The following SEL1L2 variants were observed in gnomAD, a reference collection of about 807,000 sequenced individuals.
SEL1L2 encodes SEL1L2 adaptor subunit of SYVN1 ubiquitin ligase.
SEL1L2 carries 89 observed loss-of-function variants against 98.8 expected under a neutral mutation model. The ratio of observed to expected loss-of-function variants is 0.90; its 90% confidence interval spans 0.76 to 1.07. The LOEUF is 1.07. Among genes scored for constraint, SEL1L2 ranks in the 50% least tolerant of loss-of-function variants. SEL1L2 has a pLI of 0.00. For missense variants in SEL1L2, 788 were observed against 812.0 expected (o/e 0.97, Z 0.36); for synonymous variants, 262 against 278.5 (o/e 0.94, Z 0.59).
At chr20:13,954,521 C>T (rs1333431094) in intron 2 of SEL1L2, among the ~76,000 whole-genome samples, 4 of 152,118 alleles carry the variant, frequency 2.6e-5, no homozygotes, top group African/African-American at 9.7e-5. Flanking sequence ...ATCTTTGACA[C>T]AAAGGTAGTG....
intron 1 of SEL1L2, among the ~76,000 whole-genome samples, chr20:13,970,471 A>T (rs1275879225): frequency 1.3e-5 from 2 of 152,220 alleles, no homozygotes; most frequent in Non-Finnish European, 2.9e-5. Flanking sequence ...ATATTAATAG[A>T]TAATGCCAAA....
chr20:13,879,965 A>T (rs1056634998), intron 10 of SEL1L2, among the ~76,000 whole-genome samples: 3 of 152,108 alleles, frequency 2.0e-5, no homozygotes, highest in African/African-American at 7.2e-5. Flanking sequence ...ATCTCACGGC[A>T]CCTCATCCTG....
At chr20:13,887,139 T>C (rs541902568) in intron 8 of SEL1L2, among the ~76,000 whole-genome samples, 1 of 152,348 alleles carries the variant, frequency 6.6e-6, no homozygotes, top group Non-Finnish European at 1.5e-5. Context: ...AATATAAAGA[T>C]AGATATGCTT....
At chr20:13,883,041 CGATCTCCTGACCTCGT>C (rs2046787845) in intron 10 of SEL1L2, among the ~76,000 whole-genome samples, 1 of 152,018 alleles carries the variant, frequency 6.6e-6, no homozygotes, top group Non-Finnish European at 1.5e-5. Context: ...AGGATGGTCT[CGATCTCCTGACCTCGT>C]GATCCGCCCG....
intron 5 of SEL1L2, among the ~76,000 whole-genome samples, chr20:13,908,527 G>A (rs1186429158): frequency 6.6e-6 from 1 of 152,042 alleles, no homozygotes; most frequent in African/African-American, 2.4e-5. Flanking sequence ...GAAAGAGTGA[G>A]TCTTTATAAT....
At chr20:13,880,044 C>G (rs1237049539) in intron 10 of SEL1L2, among the ~76,000 whole-genome samples, 2 of 152,152 alleles carry the variant, frequency 1.3e-5, no homozygotes, top group African/African-American at 4.8e-5. Flanking sequence ...GTTGAATCCT[C>G]TGTACTTAGC....
At chr20:13,942,716 G>A (rs192481254) in intron 2 of SEL1L2, among the ~76,000 whole-genome samples, 76 of 152,202 alleles carry the variant, frequency 5.0e-4, no homozygotes, top group Non-Finnish European at 8.7e-4. Flanking sequence ...TTTTAATTAT[G>A]GTTTCTCATC....
chr20:13,906,499 C>T (rs879747316), intron 5 of SEL1L2, among the ~76,000 whole-genome samples: 4 of 152,098 alleles, frequency 2.6e-5, no homozygotes, highest in Non-Finnish European at 5.9e-5. Context: ...TAAGGAACAA[C>T]TCAGGTACTG....
At chr20:13,905,162 G>C (rs1411715053) in intron 5 of SEL1L2, among the ~76,000 whole-genome samples, 1 of 152,138 alleles carries the variant, frequency 6.6e-6, no homozygotes, top group Non-Finnish European at 1.5e-5. Context: ...AACAATGGGT[G>C]ATTTTGAATT....
In SEL1L2 at chr20:13,919,088, C is replaced by A; in HGVS notation, c.319G>T (p.Gly107Ter). ...KQAEKNFTDE[G>*]DQLFKMGIKV... The stretch of plus-strand genomic sequence containing the variant: ...ATGCCCATCTTAAATAGCTGGTCTC[C>A]TTCATCTGTAAAATTTTTCTCTGCT... The change falls in exon 4 of 20, where the codon GGA (glycine) becomes TGA (stop). Residue 107 changes from glycine (G) to a stop codon, truncating the protein, a stop_gained. Transcript: ENST00000284951. LOFTEE classifies it high-confidence loss of function. 2 of 1,613,394 alleles carry A rather than the reference C, an allele frequency of 1.2e-6. No individual in the cohort carries two copies. The highest frequency in any genetic ancestry group is 1.7e-6 in the Non-Finnish European group (2 of 1,179,706).
At chr20:13,931,518 G>C (rs1269518251) in intron 3 of SEL1L2, 85 bp downstream of exon 3, 3 of 830,036 alleles carry the variant, frequency 3.6e-6, no homozygotes, top group Non-Finnish European at 5.1e-6. Context: ...TATATCCTAA[G>C]ACTTCTCAGA....
At position 13,957,646 on chromosome 20, in the gene SEL1L2, G is replaced by A. The variant is rs143506411; in HGVS notation, c.59-1515C>T. Among the ~76,000 whole-genome samples, 10 of 152,274 alleles carry A rather than the reference G, an allele frequency of 6.6e-5. No homozygotes were observed. The East Asian group carries it at 1.9e-3, about 29-fold the overall frequency. ...AAACCCAACACTTTGGAAGGACAAG[G>A]TGGCCGGCTCCCTTGAGCCCAGGAG... On this transcript the variant is annotated intron_variant, in intron 1 of 19. Coordinates refer to ENST00000284951, the MANE Select transcript of SEL1L2 (RefSeq NM_025229.2).
chr20:13,890,269 A>G (rs2047148935), intron 5 of SEL1L2, among the ~76,000 whole-genome samples: 1 of 152,182 alleles, frequency 6.6e-6, no homozygotes, highest in Admixed American at 6.5e-5. Context: ...CACAGTGCTG[A>G]CAGAGCCAGT....
intron 14 of SEL1L2, among the ~76,000 whole-genome samples, chr20:13,868,693 C>T (rs577974650): frequency 3.4e-4 from 51 of 151,692 alleles, no homozygotes; most frequent in Admixed American, 3.2e-3. Flanking sequence ...GCAACCTCCA[C>T]CTCCTGGGTT....
chr20:13,866,199 G>A (rs1454460999), intron 15 of SEL1L2, among the ~76,000 whole-genome samples: 2 of 152,140 alleles, frequency 1.3e-5, no homozygotes, highest in Admixed American at 6.5e-5. Flanking sequence ...ATAAATCAAT[G>A]AAGGACATTA....
intron 1 of SEL1L2, among the ~76,000 whole-genome samples, chr20:13,974,813 G>A (rs954869783): frequency 6.6e-6 from 1 of 152,140 alleles, no homozygotes; most frequent in African/African-American, 2.4e-5. Context: ...TTTCCTAGAA[G>A]TATTCTCTTT....
At chr20:13,877,666 C>A in intron 10 of SEL1L2, 78 bp from the exon 11 acceptor site, 1 of 1,090,400 alleles carries the variant, frequency 9.2e-7, no homozygotes, top group South Asian at 1.3e-5. Context: ...AAACTTTATT[C>A]AATATGCATT....
At chr20:13,889,703 A>C (rs1290444789) in intron 5 of SEL1L2, among the ~76,000 whole-genome samples, 1 of 152,070 alleles carries the variant, frequency 6.6e-6, no homozygotes, top group East Asian at 1.9e-4. Flanking sequence ...AGGCAGGAGA[A>C]TGGTGTGAAC....
At chr20:13,857,581 G>A (rs930771404) in intron 18 of SEL1L2, among the ~76,000 whole-genome samples, 1 of 152,206 alleles carries the variant, frequency 6.6e-6, no homozygotes, top group African/African-American at 2.4e-5. Context: ...ACCTAGGTGC[G>A]AATACAGCTG....
Sources: gnomAD v4.1 joint callset for allele counts (sites outside exome capture counted in the v4.1 genomes callset) on GRCh38, gnomAD v4.1.1 for gene constraint, MANE v1.5 for transcripts, NCBI Gene and HGNC (gene_info 2026-07-23, HGNC 2026-07-21) for gene names.